Variants in RUNX1T1 observed in about 807,000 individuals in gnomAD.
RUNX1T1 encodes protein CBFA2T1.
In RUNX1T1, 4 loss-of-function variants were observed where a neutral mutation model predicts 62.8. The ratio of observed to expected loss-of-function variants is 0.06; its 90% CI spans 0.03 to 0.15. RUNX1T1 has a LOEUF of 0.15. Ranked by LOEUF, RUNX1T1 falls within the 10% of genes least tolerant of loss-of-function variation. The pLI is 1.00. For synonymous variants in RUNX1T1, 291 were observed against 286.0 expected (o/e 1.02, Z -0.18); for missense variants, 508 against 754.3 (o/e 0.67, Z 3.82).
chr8:92,077,286 TAA>T (rs1284718982), intron 1 of RUNX1T1, among the ~76,000 whole-genome samples: 4 of 152,102 alleles, frequency 2.6e-5, no homozygotes, highest in Admixed American at 1.3e-4. Context: ...CAAAGATCAT[TAA>T]AGACAATCAG....
chr8:92,053,010 A>G (rs1472091877), intron 1 of RUNX1T1, among the ~76,000 whole-genome samples: 1 of 152,244 alleles, frequency 6.6e-6, no homozygotes, highest in Non-Finnish European at 1.5e-5. Context: ...AGCAAAGATT[A>G]TTCTTTTAAG....
At chr8:92,041,602 C>T (rs1463135057) in intron 1 of RUNX1T1, among the ~76,000 whole-genome samples, 5 of 151,914 alleles carry the variant, frequency 3.3e-5, no homozygotes, top group African/African-American at 9.7e-5. Flanking sequence ...ATTAGCTGGG[C>T]GTGGTGGCAT....
chr8:92,073,122 T>C (rs1009029749), intron 2 of RUNX1T1, among the ~76,000 whole-genome samples: 1 of 152,160 alleles, frequency 6.6e-6, no homozygotes, highest in Non-Finnish European at 1.5e-5. Flanking sequence ...TTCTTAGAAT[T>C]GTCCTCAATG....
rs1836437002 is a variant in RUNX1T1, at chr8:92,088,269, G to A, written c.-86+11311C>T. Among the ~76,000 whole-genome samples, 4 of 152,176 alleles carry A rather than the reference G, an allele frequency of 2.6e-5. No homozygotes were observed. In the South Asian group the frequency reaches 8.3e-4, roughly 32 times the overall value. The stretch of plus-strand genomic sequence containing the variant: ...CCAATATCATCTGCTGTTCTTCCCA[G>A]CTGTATTTGCTCATCACTGTGTACA... On this transcript the variant is annotated intron_variant, in intron 1 of 11. Transcript: ENST00000265814.
At chr8:92,027,452 G>C (rs949034541) in intron 1 of RUNX1T1, among the ~76,000 whole-genome samples, 3 of 152,196 alleles carry the variant, frequency 2.0e-5, no homozygotes, top group African/African-American at 7.2e-5. Flanking sequence ...GGATTGTCTG[G>C]AGCCTCATCC....
chr8:92,056,586 C>G (rs148800038), intron 1 of RUNX1T1, among the ~76,000 whole-genome samples: 2 of 151,876 alleles, frequency 1.3e-5, no homozygotes, highest in African/African-American at 4.8e-5. Context: ...AGAAAGCATC[C>G]CACAATTTTA....
chr8:92,063,354 T>C (rs564848160), upstream of RUNX1T1, among the ~76,000 whole-genome samples: 7 of 152,266 alleles, frequency 4.6e-5, no homozygotes, highest in South Asian at 1.5e-3. Context: ...GCTCCAAACA[T>C]TTTCAGCTTA....
exon 6 of RUNX1T1, chr8:91,991,806 C>T (rs748284068): frequency 1.5e-5 from 24 of 1,613,942 alleles, no homozygotes; most frequent in South Asian, 8.8e-5. Context: ...TGGACTGTAC[C>T]GCTGGCCTGG....
chr8:91,968,993 G>A (rs1165027757), intron 10 of RUNX1T1, among the ~76,000 whole-genome samples: 3 of 152,008 alleles, frequency 2.0e-5, no homozygotes, highest in Non-Finnish European at 4.4e-5. Flanking sequence ...CCTCTACCAT[G>A]GTCTGCTTTA....
chr8:92,102,780 C>T, upstream of RUNX1T1: 1 of 1,377,534 alleles, frequency 7.3e-7, no homozygotes, highest in Non-Finnish European at 9.6e-7. This position sits in a 1 kb window ranked among gnomAD's most constrained non-coding sequence, Gnocchi z 4.5. Flanking sequence ...TGACGGTCAT[C>T]GGAACAGTAA....
At chr8:92,007,468 A>G (rs76927600) in intron 4 of RUNX1T1, among the ~76,000 whole-genome samples, 6 of 142,896 alleles carry the variant, frequency 4.2e-5, no homozygotes, top group African/African-American at 5.1e-5. Context: ...CAGTCTAATT[A>G]AAAAAAAAAA....
At chr8:92,063,577 G>A (rs1832408283), upstream of RUNX1T1, 1 of 152,112 alleles carries the variant, frequency 6.6e-6, no homozygotes, top group Non-Finnish European at 1.5e-5. Context: ...TATAAAACTA[G>A]AAGCCTTTGT....
chr8:91,970,187 G>T (rs1253011241), intron 10 of RUNX1T1, among the ~76,000 whole-genome samples: 1 of 152,120 alleles, frequency 6.6e-6, no homozygotes, highest in African/African-American at 2.4e-5. Context: ...AGATCTCTTA[G>T]AAATATTCAG....
chr8:92,034,688 G>GTATATACA (rs1563809570), intron 1 of RUNX1T1, among the ~76,000 whole-genome samples: 4 of 101,544 alleles, frequency 3.9e-5, no homozygotes, highest in Non-Finnish European at 6.3e-5. Flanking sequence ...GTGTGTGTGT[G>GTATATACA]TGTATACATG....
downstream of RUNX1T1, chr8:91,957,181 C>T (rs940737642): frequency 4.6e-6 from 1 of 215,250 alleles, no homozygotes; most frequent in Non-Finnish European, 9.4e-6. Context: ...CTCACATAGC[C>T]TGTATATAAG....
At chr8:92,032,001 GA>G (rs1274066574) in intron 1 of RUNX1T1, among the ~76,000 whole-genome samples, 1 of 147,778 alleles carries the variant, frequency 6.8e-6, no homozygotes, top group Non-Finnish European at 1.5e-5. Context: ...GCTGAGGCAC[GA>G]GAATTTTTTG....
chr8:92,010,844 A>G, intron 4 of RUNX1T1, 158 bp downstream of exon 5: 2 of 488,492 alleles, frequency 4.1e-6, no homozygotes, highest in Non-Finnish European at 7.3e-6. Flanking sequence ...TGTAATTTTC[A>G]GACTACTTAG....
intron 1 of RUNX1T1, among the ~76,000 whole-genome samples, chr8:92,090,950 T>C (rs1836897294): frequency 2.0e-5 from 3 of 152,170 alleles, no homozygotes; most frequent in East Asian, 1.9e-4. Context: ...GACAGGCTCA[T>C]AGTAGGTCTC....
rs371691828 is a variant in RUNX1T1 at position 92,078,694 on chromosome 8, T to C, written c.-85-2557A>G. Among the ~76,000 whole-genome samples the C allele has an allele frequency of 1.8e-4, 27 of 152,326 alleles. No individual in the cohort carries two copies. In the East Asian group the frequency reaches 4.4e-3, roughly 25 times the overall value. On this transcript the variant is annotated intron_variant, in intron 1 of 11. Transcript: ENST00000265814. ...CTGCGATCCGTGCAGTAGTTCAAGC[T>C]GCAACTAATAGAAAATACAGAAAGT...
Sources: gnomAD v4.1 joint callset for allele counts (sites outside exome capture counted in the v4.1 genomes callset) on GRCh38, gnomAD v4.1.1 for gene constraint, Gnocchi (gnomAD v3.1) non-coding constraint, MANE v1.5 for transcripts, NCBI Gene and HGNC (gene_info 2026-07-23, HGNC 2026-07-21) for gene names.